Variants in ERI2 observed in about 807,000 individuals in gnomAD.
ERI2 encodes ERI1 exoribonuclease 2.
Under a neutral mutation model 46.8 loss-of-function variants are expected in ERI2, and 35 were observed. That is an observed-to-expected ratio of 0.75 (90% confidence interval 0.57 to 0.99). The LOEUF (loss-of-function observed/expected upper bound fraction) is 0.99. Among genes scored for constraint, ERI2 ranks in the 50% least tolerant of loss-of-function variants. The pLI is 0.00. For synonymous variants in ERI2, 224 were observed against 271.0 expected (o/e 0.83, Z 1.70); for missense variants, 695 against 796.2 (o/e 0.87, Z 1.53).
rs1266377823 is a variant in ERI2 at position 20,806,469 on chromosome 16, A to G, written c.-39T>C. 2 of 1,550,546 alleles carry G rather than the reference A, an allele frequency of 1.3e-6. No homozygotes were observed. Among genetic ancestry groups the G allele is most frequent in the Non-Finnish European group, 1.7e-6 (2 of 1,147,096 alleles). On this transcript the variant is annotated 5_prime_UTR_variant, in exon 1 of 9. Coordinates refer to ENST00000357967, the MANE Select transcript of ERI2 (RefSeq NM_001142725.2). Reference sequence around the variant, plus strand: ...TGCTTTTCCAAGTCCAGCTGCCGGAAGTCGCTCGACTTCTACTTCCGGTCC... The same window carrying G: ...TGCTTTTCCAAGTCCAGCTGCCGGAGGTCGCTCGACTTCTACTTCCGGTCC...
downstream of ERI2, chr16:20,792,082 G>A (rs750402984): frequency 6.2e-7 from 1 of 1,613,976 alleles, no homozygotes; most frequent in Non-Finnish European, 8.5e-7. Flanking sequence ...ATAAAGATGG[G>A]TATTTCTGGT....
At chr16:20,789,965 C>G (rs376469852) in intron 9 of ERI2, among the ~76,000 whole-genome samples, 1 of 151,964 alleles carries the variant, frequency 6.6e-6, no homozygotes, top group Non-Finnish European at 1.5e-5. Context: ...TGAGCCACTG[C>G]GCCCAGCCAG....
intron 1 of ERI2, among the ~76,000 whole-genome samples, chr16:20,805,292 G>A (rs1417995766): frequency 6.6e-6 from 1 of 152,018 alleles, no homozygotes. Context: ...GGGTGTGGTG[G>A]TGCATGCCTG....
At chr16:20,805,919 G>A in intron 1 of ERI2, 1 of 984,672 alleles carries the variant, frequency 1.0e-6, no homozygotes, top group Non-Finnish European at 1.2e-6. Context: ...TACTCTCCTG[G>A]CAAAACTGCT....
intron 4 of ERI2, 126 bp from the exon 5 acceptor site, chr16:20,801,485 G>A: frequency 9.7e-7 from 1 of 1,033,980 alleles, no homozygotes; most frequent in Admixed American, 3.1e-5. Context: ...TGAAAACACA[G>A]TGTACTGTGG....
At chr16:20,784,841 G>A (rs2080435554) in intron 10 of ERI2, 1 of 722,682 alleles carries the variant, frequency 1.4e-6, no homozygotes, top group Non-Finnish European at 2.1e-6. Context: ...ATGTTTATGG[G>A]GTAAAATGGT....
Position 20,786,219 on chromosome 16 carries a change from C to T in ERI2, c.894+3260G>A, listed in dbSNP as rs145313870. ...CCCAATCTGTACACTACCTACCTAC[C>T]GCTTACCCCCATATAAACTTTCTTT... is the stretch of plus-strand genomic sequence containing the variant. On this transcript the variant is annotated intron_variant, in intron 10 of 10. Transcript: ENST00000300005. 399 of 1,557,272 alleles carry T rather than the reference C, an allele frequency of 2.6e-4. 2 individuals carry two copies. The African/African-American group carries it at 4.9e-3, about 19-fold the overall frequency.
At chr16:20,780,691 T>C in exon 11 of ERI2, 1 of 1,614,188 alleles carries the variant, frequency 6.2e-7, no homozygotes. Context: ...TAACATGCAG[T>C]CATTGTAGTT....
intron 10 of ERI2, among the ~76,000 whole-genome samples, chr16:20,786,727 A>G (rs569458947): frequency 3.9e-5 from 6 of 152,184 alleles, no homozygotes; most frequent in Non-Finnish European, 8.8e-5. Context: ...AAGAAACCCT[A>G]TGAGAAGCAT....
rs199629775 is a variant in ERI2 at position 20,797,792 on chromosome 16, T to C, written c.2008A>G (p.Ile670Val). ...LTFSSPETSHICDRNLSISTK... is the reference protein window; with the variant it reads ...LTFSSPETSHVCDRNLSISTK... ...GAAATACTTAAATTTCTGTCACAAA[T>C]ATGGCTTGTTTCTGGAGAACTAAAA... Residue 670 changes from isoleucine (I) to valine (V), a missense_variant, in exon 9 of 9, where the codon ATT becomes GTT. Coordinates refer to ENST00000357967, the MANE Select transcript of ERI2 (RefSeq NM_001142725.2). The C allele has an allele frequency of 1.6e-5, 25 of 1,551,068 alleles. No homozygotes were observed. The highest frequency in any genetic ancestry group is 2.2e-5 in the Non-Finnish European group (25 of 1,146,808).
intron 10 of ERI2, among the ~76,000 whole-genome samples, chr16:20,788,335 T>C (rs916702508): frequency 6.6e-6 from 1 of 152,210 alleles, no homozygotes; most frequent in Non-Finnish European, 1.5e-5. Context: ...CATGCATGGC[T>C]ATCAGGGTCT....
intron 4 of ERI2, among the ~76,000 whole-genome samples, chr16:20,801,796 T>C (rs1055797097): frequency 2.0e-5 from 3 of 152,082 alleles, no homozygotes; most frequent in Non-Finnish European, 4.4e-5. Flanking sequence ...TCTTGCTTTG[T>C]TGCCCAGGGT....
In ERI2 at chr16:20,797,100, T is replaced by C. The variant is rs370562507; in HGVS notation, c.*624A>G. The C allele has an allele frequency of 7.1e-7, 1 of 1,411,558 alleles. No homozygotes were observed. Among genetic ancestry groups the C allele is most frequent in the Non-Finnish European group, 9.2e-7 (1 of 1,086,056 alleles). The allele number at this position is 1,411,558 out of a possible 1,614,324, so 87.4% of individuals were successfully genotyped here. A position where few individuals can be genotyped will look rare whatever the true frequency, so the allele number is the denominator to read the frequency against. Reference sequence around the variant, plus strand: ...TTAGAAACTGTTGATTTAAAATATCTTGTGGTTATGATATCAGAGGCTAAA... The same window carrying C: ...TTAGAAACTGTTGATTTAAAATATCCTGTGGTTATGATATCAGAGGCTAAA... On this transcript the variant is annotated 3_prime_UTR_variant, in exon 9 of 9. Coordinates refer to ENST00000357967, the MANE Select transcript of ERI2 (RefSeq NM_001142725.2).
chr16:20,793,822 T>C (rs2080659949), downstream of ERI2, among the ~76,000 whole-genome samples: 1 of 152,164 alleles, frequency 6.6e-6, no homozygotes, highest in Non-Finnish European at 1.5e-5. Context: ...TCCCCTACCA[T>C]TAGTCATCAT....
At chr16:20,805,549 G>A (rs1170204054) in intron 1 of ERI2, among the ~76,000 whole-genome samples, 1 of 152,182 alleles carries the variant, frequency 6.6e-6, no homozygotes, top group African/African-American at 2.4e-5. Context: ...TCAAAGACCT[G>A]TGCTAACATT....
At chr16:20,785,101 T>G in intron 10 of ERI2, 1 of 1,613,156 alleles carries the variant, frequency 6.2e-7, no homozygotes, top group South Asian at 1.1e-5. Flanking sequence ...ATGGACAGAC[T>G]GAAACGGTAC....
chr16:20,801,988 A>T (rs1376212437), intron 4 of ERI2, among the ~76,000 whole-genome samples: 1 of 149,752 alleles, frequency 6.7e-6, no homozygotes, highest in Non-Finnish European at 1.5e-5. Context: ...CGAACTCCTG[A>T]CCTCAGATGA....
chr16:20,782,038 G>T (rs989472175), intron 10 of ERI2, among the ~76,000 whole-genome samples: 1 of 152,150 alleles, frequency 6.6e-6, no homozygotes, highest in African/African-American at 2.4e-5. Context: ...GTGGTTATGG[G>T]TAAGAAGATG....
intron 10 of ERI2, chr16:20,784,850 G>A: frequency 1.2e-6 from 1 of 868,312 alleles, no homozygotes; most frequent in Non-Finnish European, 1.7e-6. Flanking sequence ...GGGTAAAATG[G>A]TTTGTTTTGT....
Sources: allele counts gnomAD v4.1 joint callset (sites outside exome capture counted in the v4.1 genomes callset), GRCh38; gene constraint gnomAD v4.1.1; transcripts MANE v1.5; gene names NCBI Gene and HGNC (gene_info 2026-07-23, HGNC 2026-07-21).